Variants in FRMD3 observed in about 807,000 individuals in gnomAD.
FRMD3 encodes the protein FERM domain-containing protein 3.
In FRMD3, 33 loss-of-function variants were observed where a neutral mutation model predicts 70.2. The observed-to-expected ratio is 0.47, with a 90% CI of 0.36 to 0.63. The LOEUF is 0.63. Among genes scored for constraint, FRMD3 ranks in the 20% least tolerant of loss-of-function variants. FRMD3 has a pLI of 0.00. For synonymous variants in FRMD3, 279 were observed against 255.9 expected (o/e 1.09, Z -0.86); for missense variants, 632 against 711.4 (o/e 0.89, Z 1.27).
At chr9:83,520,919 G>A (rs1272116879) in intron 1 of FRMD3, among the ~76,000 whole-genome samples, 2 of 136,084 alleles carry the variant, frequency 1.5e-5, no homozygotes, top group African/African-American at 5.6e-5. Context: ...GAGATCAGGA[G>A]TTTGAGACCA....
In FRMD3 at chr9:83,247,738, A is replaced by T. The variant is rs148263096; in HGVS notation, c.*180T>A. The T allele has an allele frequency of 9.2e-4, 1,336 of 1,447,864 alleles. 12 individuals are homozygous for T. The African/African-American group carries it at 0.016, about 18-fold the overall frequency. The allele number at this position is 1,447,864 out of a possible 1,614,324, so 89.7% of individuals were successfully genotyped here. Reference sequence around the variant, plus strand: ...CCTAACCTGTAACTAAAATAACTGTATTTGATTTAAACTTATTTAAGTGCA... The same window carrying T: ...CCTAACCTGTAACTAAAATAACTGTTTTTGATTTAAACTTATTTAAGTGCA... On this transcript the variant is annotated 3_prime_UTR_variant, in exon 14 of 14. Transcript: ENST00000304195.
chr9:83,489,625 G>T (rs73468243), intron 1 of FRMD3, among the ~76,000 whole-genome samples: 2,725 of 152,292 alleles, frequency 0.018, 74 homozygotes, highest in African/African-American at 0.062. Flanking sequence ...TAGCAAGGCT[G>T]TAGAGTAAAG....
chr9:83,512,089 G>A (rs1378306576), intron 1 of FRMD3, among the ~76,000 whole-genome samples: 1 of 152,200 alleles, frequency 6.6e-6, no homozygotes, highest in Non-Finnish European at 1.5e-5. Flanking sequence ...TTCCACACCT[G>A]TAAAATAGGG....
intron 1 of FRMD3, among the ~76,000 whole-genome samples, chr9:83,431,293 C>T (rs1302647727): frequency 2.6e-5 from 4 of 152,216 alleles, no homozygotes; most frequent in Non-Finnish European, 5.9e-5. Flanking sequence ...ATGAAACTAG[C>T]ACCACATGTG....
At chr9:83,431,722 C>T (rs1334762797) in intron 1 of FRMD3, among the ~76,000 whole-genome samples, 1 of 152,164 alleles carries the variant, frequency 6.6e-6, no homozygotes, top group African/African-American at 2.4e-5. Flanking sequence ...TTTTTAACTT[C>T]CCCAATTGCA....
intron 2 of FRMD3, among the ~76,000 whole-genome samples, chr9:83,377,534 T>C (rs941407791): frequency 6.6e-5 from 10 of 152,122 alleles, no homozygotes; most frequent in Non-Finnish European, 1.5e-4. Flanking sequence ...GATTTCTCAT[T>C]AATGGTTTAG....
At chr9:83,517,512 A>C (rs1428642251) in intron 1 of FRMD3, among the ~76,000 whole-genome samples, 1 of 150,962 alleles carries the variant, frequency 6.6e-6, no homozygotes, top group Non-Finnish European at 1.5e-5. Flanking sequence ...AAAAAAAAAA[A>C]AAAAAACAAC....
chr9:83,369,609 T>C (rs1248255243), intron 3 of FRMD3, among the ~76,000 whole-genome samples: 19 of 150,138 alleles, frequency 1.3e-4, no homozygotes, highest in African/African-American at 4.4e-4. Context: ...AATAAATAAA[T>C]AAATAAATAA....
intron 2 of FRMD3, among the ~76,000 whole-genome samples, chr9:83,383,403 AACTACT>A (rs1825416943): frequency 6.6e-6 from 1 of 152,252 alleles, no homozygotes; most frequent in Non-Finnish European, 1.5e-5. Context: ...TGTAACAGAC[AACTACT>A]ACTGAACCTT....
In FRMD3 at chr9:83,357,975, T is replaced by A. The variant is rs185483952; in HGVS notation, c.296-8218A>T. Among the ~76,000 whole-genome samples, 803 of 151,622 alleles carry A rather than the reference T, an allele frequency of 5.3e-3. 8 individuals carry two copies. The highest frequency in any genetic ancestry group is 8.9e-3 in the Non-Finnish European group (601 of 67,866). On this transcript the variant is annotated intron_variant, in intron 3 of 13. Coordinates refer to ENST00000304195, the MANE Select transcript of FRMD3 (RefSeq NM_174938.6). ...TGTTTTTGTTGCACTTGCTTTTGGG[T>A]TTTTGGTCATGGAGTCTTTGCCTAA...
chr9:83,364,523 G>T (rs796915421), intron 3 of FRMD3, among the ~76,000 whole-genome samples: 3 of 150,622 alleles, frequency 2.0e-5, no homozygotes, highest in Non-Finnish European at 4.4e-5. Flanking sequence ...ACCACTGCAC[G>T]CCAGCCTGGT....
Position 83,246,220 on chromosome 9 carries a change from T to G in FRMD3, c.*1698A>C, listed in dbSNP as rs890844732. On this transcript the variant is annotated 3_prime_UTR_variant, in exon 14 of 14. Coordinates refer to ENST00000304195, the MANE Select transcript of FRMD3 (RefSeq NM_174938.6). ...CGATTCCAAGTGGGCCCTGTAACTT[T>G]GTACATTAGGGCAGTGGAATGTTTT... 25 of 984,864 alleles carry G rather than the reference T, an allele frequency of 2.5e-5. No individual in the cohort carries two copies. The highest frequency in any genetic ancestry group is 2.9e-5 in the Non-Finnish European group (24 of 829,592). The allele number at this position is 984,864 out of a possible 1,614,324, so 61.0% of individuals were successfully genotyped here. A position where few individuals can be genotyped will look rare whatever the true frequency, so the allele number is the denominator to read the frequency against.
intron 1 of FRMD3, among the ~76,000 whole-genome samples, chr9:83,412,020 C>G (rs1000575537): frequency 1.3e-5 from 2 of 152,204 alleles, no homozygotes; most frequent in African/African-American, 4.8e-5. Context: ...GCAAAGTAGA[C>G]AAACCATCCA....
intron 3 of FRMD3, among the ~76,000 whole-genome samples, chr9:83,368,827 T>C (rs984883176): frequency 6.6e-6 from 1 of 152,274 alleles, no homozygotes; most frequent in East Asian, 1.9e-4. Context: ...ATTTAAAATG[T>C]ATATATCTTT....
the FRMD3 span, among the ~76,000 whole-genome samples, chr9:83,549,900 G>T: frequency 1.3e-5 from 2 of 152,110 alleles, no homozygotes; most frequent in African/African-American, 4.8e-5. Flanking sequence ...TCTGTAAGTT[G>T]TCTGTTTATT....
chr9:83,449,252 A>G (rs1185252737), intron 1 of FRMD3, among the ~76,000 whole-genome samples: 1 of 152,216 alleles, frequency 6.6e-6, no homozygotes, highest in Admixed American at 6.5e-5. Flanking sequence ...TCCACATTTT[A>G]CAATTTTGAA....
At chr9:83,560,300 C>A in the FRMD3 span, among the ~76,000 whole-genome samples, 1 of 152,092 alleles carries the variant, frequency 6.6e-6, no homozygotes, top group African/African-American at 2.4e-5. Context: ...AGTGTGCTGT[C>A]ACTTTCTGGG....
At chr9:83,579,990 A>G in the FRMD3 span, among the ~76,000 whole-genome samples, 1 of 152,174 alleles carries the variant, frequency 6.6e-6, no homozygotes, top group Non-Finnish European at 1.5e-5. Context: ...GGCCCTTCTC[A>G]AAAGAAGACA....
At chr9:83,529,585 A>C (rs73468282) in intron 1 of FRMD3, among the ~76,000 whole-genome samples, 21 of 152,340 alleles carry the variant, frequency 1.4e-4, no homozygotes, top group African/African-American at 5.1e-4. Flanking sequence ...AGTCCTTATT[A>C]CCTTGAATTG....
Sources: allele counts gnomAD v4.1 joint callset (sites outside exome capture counted in the v4.1 genomes callset), GRCh38; gene constraint gnomAD v4.1.1; transcripts MANE v1.5; gene names NCBI Gene and HGNC (gene_info 2026-07-23, HGNC 2026-07-21).